YLPM1: variants seen among roughly 807,000 people sequenced by gnomAD.
YLPM1 encodes YLP motif containing 1, also known as YLP motif-containing protein 1.
In YLPM1, 99 loss-of-function variants were observed where a neutral mutation model predicts 230.0. The observed-to-expected ratio is 0.43, with a 90% confidence interval of 0.37 to 0.51. The LOEUF (loss-of-function observed/expected upper bound fraction) is 0.51. Ranked by LOEUF, YLPM1 falls within the 20% of genes least tolerant of loss-of-function variation. The pLI is 0.00. For synonymous variants in YLPM1, 984 were observed against 942.5 expected (o/e 1.04, Z -0.81); for missense variants, 2,592 against 2,707.7 (o/e 0.96, Z 0.95).
intron 2 of YLPM1, among the ~76,000 whole-genome samples, chr14:74,779,365 T>A (rs562596800): frequency 6.6e-6 from 1 of 151,672 alleles, no homozygotes; most frequent in South Asian, 2.1e-4. Context: ...TGTTAACCAT[T>A]CTGTGCTTCA....
intron 6 of YLPM1, among the ~76,000 whole-genome samples, chr14:74,808,218 T>C (rs1326901262): frequency 6.6e-6 from 1 of 152,278 alleles, no homozygotes; most frequent in African/African-American, 2.4e-5. Context: ...GGGCATTTTG[T>C]ATAAATGAAT....
At chr14:74,775,733 A>G (rs1333534327) in intron 1 of YLPM1, among the ~76,000 whole-genome samples, 4 of 152,258 alleles carry the variant, frequency 2.6e-5, no homozygotes, top group Non-Finnish European at 5.9e-5. Context: ...GGAAAATTAT[A>G]TAACAACATT....
At chr14:74,792,460 C>G (rs190070055) in intron 4 of YLPM1, among the ~76,000 whole-genome samples, 96 of 152,266 alleles carry the variant, frequency 6.3e-4, no homozygotes, top group African/African-American at 2.2e-3. Flanking sequence ...GAGAGCTAAT[C>G]CTCTCTCTGT....
intron 5 of YLPM1, among the ~76,000 whole-genome samples, chr14:74,800,820 A>G (rs150210268): frequency 1.1e-4 from 17 of 152,302 alleles, no homozygotes; most frequent in African/African-American, 4.1e-4. Flanking sequence ...AGACACCTTT[A>G]ATTTTAACAC....
In YLPM1 at chr14:74,818,227, A is replaced by G. The variant is rs1000844422; in HGVS notation, c.5947-4A>G. 4.4e-6 allele frequency: 7 copies of G among 1,595,926 alleles called. No homozygotes were observed. Among genetic ancestry groups the G allele is most frequent in the Non-Finnish European group, 4.3e-6 (5 of 1,171,336 alleles). On this transcript the variant is annotated splice_region_variant and splice_polypyrimidine_tract_variant and intron_variant, in intron 15 of 20. Coordinates refer to ENST00000325680, the MANE Select transcript of YLPM1 (RefSeq NM_019589.3). Reference sequence around the variant, plus strand: ...ATAACTCAACCATCTGAATTTTTCAATAGATGGCTGATCACTGGGAAACTG... The same window carrying G: ...ATAACTCAACCATCTGAATTTTTCAGTAGATGGCTGATCACTGGGAAACTG...
In YLPM1 at chr14:74,809,523, A is replaced by G. The variant is rs1282207778; in HGVS notation, c.4665A>G (p.Leu1555=). The G allele has an allele frequency of 4.4e-6, 7 of 1,587,204 alleles. No individual in the cohort carries two copies. The highest frequency in any genetic ancestry group is 6.0e-6 in the Non-Finnish European group (7 of 1,166,296). The change falls in exon 7 of 21, where the codon CTA becomes CTG. Residue 1555 remains leucine (L), a synonymous_variant. Transcript: ENST00000325680. ...CACCACCTCCACCTCCTCCACCTCT[A>G]CCTCCTCCTCCTCCAGTGATAAAGC... The part of the protein sequence containing the change: ...PIPPPPPPPP[L]PPPPPVIKPQ...
At chr14:74,818,972 A>T (rs1489881627) in intron 16 of YLPM1, among the ~76,000 whole-genome samples, 1 of 152,164 alleles carries the variant, frequency 6.6e-6, no homozygotes, top group African/African-American at 2.4e-5. Context: ...CATAAGTGAT[A>T]CTGTGCCCTC....
intron 9 of YLPM1, among the ~76,000 whole-genome samples, chr14:74,810,989 A>G (rs1224892973): frequency 6.6e-6 from 1 of 151,436 alleles, no homozygotes; most frequent in Non-Finnish European, 1.5e-5. Context: ...ATGCCTGGCT[A>G]ATTTTTTTTT....
intron 17 of YLPM1, chr14:74,823,954 C>A (rs1177974914): frequency 1.2e-5 from 3 of 251,550 alleles, no homozygotes. Flanking sequence ...ACATTCTTAT[C>A]ATATTTGCTA....
chr14:74,773,920 C>T (rs1251454010), intron 1 of YLPM1, among the ~76,000 whole-genome samples: 2 of 151,744 alleles, frequency 1.3e-5, no homozygotes, highest in Admixed American at 6.6e-5. Flanking sequence ...GAGGTTTCAC[C>T]GTGTTGGCCA....
At chr14:74,769,579 G>C (rs540837308) in intron 1 of YLPM1, among the ~76,000 whole-genome samples, 1 of 147,840 alleles carries the variant, frequency 6.8e-6, no homozygotes, top group Non-Finnish European at 1.5e-5. Flanking sequence ...GAGTCAGAGT[G>C]CCCGGCCATT....
chr14:74,763,742 C>G lies in YLPM1; in HGVS notation c.253C>G (p.Pro85Ala). The change falls in exon 1 of 21, where the codon CCT becomes GCT. Residue 85 changes from proline to alanine, a missense_variant. Pro to Ala is a conservative substitution (Grantham distance 27). Transcript: ENST00000325680. ...TCAGCCCCACCACCTTCCTCCGCCC[C>G]CTCTGCCGCCCCCGCCAGTGATGCC... ...VLQPHHLPPPPLPPPPVMPGG... is the reference protein window; with the variant it reads ...VLQPHHLPPPALPPPPVMPGG... 6.6e-7 allele frequency: 1 copy of G among 1,511,850 alleles called. No homozygotes were observed. Among genetic ancestry groups the G allele is most frequent in the South Asian group, 1.3e-5 (1 of 74,928 alleles). 93.7% of individuals were successfully genotyped at this position (1,511,850 alleles called of 1,614,324 possible).
intron 1 of YLPM1, 28 bp downstream of exon 1, chr14:74,764,390 CTT>C: frequency 6.4e-7 from 1 of 1,564,110 alleles, no homozygotes; most frequent in South Asian, 1.2e-5. Context: ...TGAACCTCAT[CTT>C]TCACCTAGAG....
chr14:74,816,547 CCTT>C (rs1459444118), intron 12 of YLPM1, 21 bp from the exon 13 acceptor site: 11 of 1,593,988 alleles, frequency 6.9e-6, no homozygotes, highest in Admixed American at 1.8e-5. Flanking sequence ...TTCGTTTTAA[CCTT>C]CTTGACTGTA....
rs2091104097 is a variant in YLPM1 at position 74,782,323 on chromosome 14, A to G, written c.2280A>G (p.Pro760=). Residue 760 remains proline (P), a splice_region_variant and synonymous_variant, in exon 4 of 21, where the codon CCA becomes CCG. Transcript: ENST00000325680. ...RSSYLESPRG[P]RFDGPRRFED... is the part of the protein sequence containing the mutation. ...GTTACTTGGAAAGTCCAAGAGGCCC[A>G]AGGTAGGTCTGCTTTTTTTTCTCTT... The G allele has an allele frequency of 2.0e-6, 3 of 1,499,012 alleles. No homozygotes were observed. Among genetic ancestry groups the G allele is most frequent in the Non-Finnish European group, 2.6e-6 (3 of 1,134,636 alleles). 92.9% of individuals were successfully genotyped at this position (1,499,012 alleles called of 1,614,324 possible). A position where few individuals can be genotyped will look rare whatever the true frequency, so the allele number is the denominator to read the frequency against.
rs572902319 is a variant in YLPM1, at chr14:74,821,369, C to T, written c.6111+232C>T. ...TTAACAGAGTGCTAAGAAACTTACC[C>T]TTGTACTCATCTATTTGTGGGTGGT... is the stretch of plus-strand genomic sequence containing the variant. On this transcript the variant is annotated intron_variant, in intron 17 of 20. Transcript: ENST00000325680. 12 of 434,946 alleles carry T rather than the reference C, an allele frequency of 2.8e-5. No homozygotes were observed. In the South Asian group the frequency reaches 9.1e-4, roughly 33 times the overall value. The allele number at this position is 434,946 out of a possible 1,614,324, so 26.9% of individuals were successfully genotyped here.
At chr14:74,834,738 G>C (rs1170794327) in intron 19 of YLPM1, among the ~76,000 whole-genome samples, 5 of 152,190 alleles carry the variant, frequency 3.3e-5, no homozygotes. Context: ...AGTCTGTATT[G>C]TTTGTATAAA....
chr14:74,770,549 C>A (rs1040671528), intron 1 of YLPM1, among the ~76,000 whole-genome samples: 2 of 151,760 alleles, frequency 1.3e-5, no homozygotes, highest in Non-Finnish European at 2.9e-5. Flanking sequence ...CACTTGAACC[C>A]AGGAGGCAGA....
At chr14:74,771,584 G>A (rs2090976604) in intron 1 of YLPM1, among the ~76,000 whole-genome samples, 1 of 152,200 alleles carries the variant, frequency 6.6e-6, no homozygotes, top group African/African-American at 2.4e-5. Flanking sequence ...GACTCTAGGA[G>A]GAGGGAGTCG....
Sources: gnomAD v4.1 joint callset for allele counts (sites outside exome capture counted in the v4.1 genomes callset) on GRCh38, gnomAD v4.1.1 for gene constraint, MANE v1.5 for transcripts, NCBI Gene and HGNC (gene_info 2026-07-23, HGNC 2026-07-21) for gene names.